INPP4A: variants seen among roughly 807,000 people sequenced by gnomAD.
INPP4A encodes the protein inositol polyphosphate-4-phosphatase, type I, 107kD.
A neutral mutation model predicts 119.8 loss-of-function variants in INPP4A; 33 were observed. That is an observed-to-expected ratio of 0.28 (90% CI 0.21 to 0.37). The LOEUF (loss-of-function observed/expected upper bound fraction) is 0.37. INPP4A is among the 10% of genes least tolerant of loss of function. INPP4A has a pLI of 1.00. For missense variants in INPP4A, 956 were observed against 1,289.9 expected, an observed-to-expected ratio of 0.74 and a Z score of 3.97; for synonymous variants, 496 against 500.7, an observed-to-expected ratio of 0.99 and a Z score of 0.12.
At chr2:98,558,847 C>A (rs1559073918) in intron 16 of INPP4A, among the ~76,000 whole-genome samples, 1 of 152,134 alleles carries the variant, frequency 6.6e-6, no homozygotes, top group Non-Finnish European at 1.5e-5. Flanking sequence ...TCTTTGAGGA[C>A]CTGAAGGGAC....
intron 4 of INPP4A, among the ~76,000 whole-genome samples, chr2:98,531,758 C>T (rs1689272505): frequency 1.3e-5 from 2 of 152,190 alleles, no homozygotes; most frequent in South Asian, 4.1e-4. Flanking sequence ...GGAATAAAGA[C>T]ATTTTCAAAC....
chr2:98,496,935 A>G (rs1340536802), intron 1 of INPP4A, among the ~76,000 whole-genome samples: 2 of 152,204 alleles, frequency 1.3e-5, no homozygotes, highest in African/African-American at 2.4e-5. Flanking sequence ...ACTGGGTTTC[A>G]CATGTGGCTC....
At chr2:98,520,829 T>C in intron 4 of INPP4A, 98 bp downstream of exon 4, 1 of 668,304 alleles carries the variant, frequency 1.5e-6, no homozygotes. Context: ...CTCAGAGAGC[T>C]TGCTGCTGCT....
chr2:98,446,503 C>T (rs984024590), intron 1 of INPP4A, among the ~76,000 whole-genome samples: 5 of 151,958 alleles, frequency 3.3e-5, no homozygotes, highest in Non-Finnish European at 4.4e-5. Flanking sequence ...ACGGGCCTCT[C>T]GGTGCCTCAT....
intron 1 of INPP4A, among the ~76,000 whole-genome samples, chr2:98,464,210 C>T (rs1021980333): frequency 6.6e-6 from 1 of 152,082 alleles, no homozygotes; most frequent in African/African-American, 2.4e-5. Flanking sequence ...CAGCACAGCC[C>T]TGAGTCTCGA....
intron 17 of INPP4A, among the ~76,000 whole-genome samples, chr2:98,561,311 G>A (rs1695429531): frequency 6.6e-6 from 1 of 152,194 alleles, no homozygotes; most frequent in Admixed American, 6.5e-5. Context: ...CTCATAACAA[G>A]GCTTTGTCAG....
chr2:98,517,265 C>T (rs1428253290), intron 1 of INPP4A, among the ~76,000 whole-genome samples: 2 of 152,168 alleles, frequency 1.3e-5, no homozygotes, highest in African/African-American at 4.8e-5. Flanking sequence ...CTACTGTTGA[C>T]GAACATTTAG....
intron 4 of INPP4A, among the ~76,000 whole-genome samples, chr2:98,525,716 A>C (rs1217053717): frequency 6.6e-6 from 1 of 152,266 alleles, no homozygotes; most frequent in African/African-American, 2.4e-5. Context: ...TAGACAAAAT[A>C]AGTTATACAA....
intron 24 of INPP4A, among the ~76,000 whole-genome samples, chr2:98,582,792 C>G (rs1412913600): frequency 1.3e-5 from 2 of 149,568 alleles, no homozygotes; most frequent in Admixed American, 1.3e-4. Context: ...GAAAGATAAC[C>G]TACCGCATAA....
At chr2:98,549,705 A>G (rs1343061407) in intron 13 of INPP4A, among the ~76,000 whole-genome samples, 3 of 152,304 alleles carry the variant, frequency 2.0e-5, no homozygotes, top group African/African-American at 4.8e-5. Flanking sequence ...TGGAGGTGTC[A>G]GGCTCTGCTG....
chr2:98,514,265 C>T (rs1455618646), intron 1 of INPP4A, among the ~76,000 whole-genome samples: 2 of 152,160 alleles, frequency 1.3e-5, no homozygotes, highest in Non-Finnish European at 1.5e-5. Flanking sequence ...TTCTGAGCCC[C>T]ACCTGGAGTT....
At chr2:98,507,901 G>A (rs1225301836) in intron 1 of INPP4A, among the ~76,000 whole-genome samples, 1 of 152,152 alleles carries the variant, frequency 6.6e-6, no homozygotes, top group African/African-American at 2.4e-5. Flanking sequence ...GCTCTATATA[G>A]TGTCTTAGCC....
At chr2:98,507,872 C>A (rs943981473) in intron 1 of INPP4A, among the ~76,000 whole-genome samples, 3 of 152,172 alleles carry the variant, frequency 2.0e-5, no homozygotes, top group Non-Finnish European at 4.4e-5. Context: ...AGCTCACCCC[C>A]CTGCACAGCG....
chr2:98,545,858 G>C, intron 11 of INPP4A, 111 bp from the exon 12 acceptor site: 1 of 731,732 alleles, frequency 1.4e-6, no homozygotes, highest in Non-Finnish European at 2.2e-6. Flanking sequence ...GGCCACTGCC[G>C]ACATACCTGC....
chr2:98,503,667 C>T (rs778237224), intron 1 of INPP4A, among the ~76,000 whole-genome samples: 15 of 152,222 alleles, frequency 9.9e-5, no homozygotes, highest in Non-Finnish European at 1.3e-4. Flanking sequence ...AAGTGCCTAG[C>T]TCAGTACTTG....
chr2:98,467,597 T>A (rs1363712626), intron 1 of INPP4A, among the ~76,000 whole-genome samples: 1 of 152,236 alleles, frequency 6.6e-6, no homozygotes, highest in Non-Finnish European at 1.5e-5. Flanking sequence ...CTTCTCAGCC[T>A]CCATGGATTT....
chr2:98,587,777 T>G lies in INPP4A; in HGVS notation c.*169T>G. On this transcript the variant is annotated 3_prime_UTR_variant, in exon 25 of 25. Coordinates refer to ENST00000409851, the MANE Select transcript of INPP4A (RefSeq NM_001134225.2). ...GGAGCATGTTTTTTGTTTTTTGGGT[T>G]TTTTTCCCCATTGGAATCAATAGGA... 1.8e-6 allele frequency: 1 copy of G among 557,834 alleles called. No homozygotes were observed. The highest frequency in any genetic ancestry group is 2.8e-5 in the South Asian group (1 of 36,048). 34.6% of individuals were successfully genotyped at this position (557,834 alleles called of 1,614,324 possible). A position where few individuals can be genotyped will look rare whatever the true frequency, so the allele number is the denominator to read the frequency against.
chr2:98,559,415 CT>C (rs767767028), intron 16 of INPP4A, 47 bp from the exon 17 acceptor site: 2 of 1,610,328 alleles, frequency 1.2e-6, no homozygotes, highest in Admixed American at 1.7e-5. Flanking sequence ...TTGGTTTGAA[CT>C]GTGTGCTGCT....
chr2:98,512,514 C>T (rs1303166648), intron 1 of INPP4A, among the ~76,000 whole-genome samples: 1 of 152,178 alleles, frequency 6.6e-6, no homozygotes, highest in Non-Finnish European at 1.5e-5. Context: ...GAGCATGGTG[C>T]CCGCATCTGG....
Sources: gnomAD v4.1 joint callset for allele counts (sites outside exome capture counted in the v4.1 genomes callset) on GRCh38, gnomAD v4.1.1 for gene constraint, MANE v1.5 for transcripts, NCBI Gene and HGNC (gene_info 2026-07-23, HGNC 2026-07-21) for gene names.